The following SIMC1 variants were observed in gnomAD, a reference collection of about 807,000 sequenced individuals.
The protein encoded by SIMC1 is SUMO interacting motifs containing 1.
Under a neutral mutation model 82.3 loss-of-function variants are expected in SIMC1, and 55 were observed. That is an observed-to-expected ratio of 0.67 (90% CI 0.54 to 0.84). The LOEUF (loss-of-function observed/expected upper bound fraction) is 0.84, where lower values mean the gene tolerates loss of function less well. SIMC1 is among the 40% of genes least tolerant of loss of function. SIMC1 has a pLI of 0.00. For missense variants in SIMC1, 915 were observed against 1,107.2 expected, an observed-to-expected ratio of 0.83 and a Z score of 2.46; for synonymous variants, 353 against 426.3, an observed-to-expected ratio of 0.83 and a Z score of 2.12.
At position 176,258,541 on chromosome 5, in the gene SIMC1, G is replaced by A. The variant is rs570568789; in HGVS notation, c.129+19904G>A. Reference sequence around the variant, plus strand: ...TCTATTTTTTAAACGGATGGTTTTGGAAAAATAGACTCACGAGAGTTTTTT... The same window carrying A: ...TCTATTTTTTAAACGGATGGTTTTGAAAAAATAGACTCACGAGAGTTTTTT... On this transcript the variant is annotated intron_variant, in intron 1 of 9. Coordinates refer to ENST00000429602, the MANE Select transcript of SIMC1 (RefSeq NM_001308195.2). Among the ~76,000 whole-genome samples the A allele has an allele frequency of 3.7e-3, 557 of 150,080 alleles. 4 individuals are homozygous for A. The highest frequency in any genetic ancestry group is 0.013 in the African/African-American group (528 of 40,950).
intron 4 of SIMC1, chr5:176,296,802 T>C (rs1279626659): frequency 1.3e-5 from 2 of 153,726 alleles, no homozygotes; most frequent in African/African-American, 2.4e-5. Context: ...ATTTAGTATA[T>C]TTACTTATCC....
chr5:176,263,329 C>A, intron 1 of SIMC1: 2 of 938,334 alleles, frequency 2.1e-6, no homozygotes, highest in Non-Finnish European at 3.1e-6. Context: ...GAATAGCTGT[C>A]TTAGTTCATT....
chr5:176,249,772 AG>A (rs1642915293), intron 1 of SIMC1, among the ~76,000 whole-genome samples: 1 of 132,010 alleles, frequency 7.6e-6, no homozygotes. Context: ...TGAACCCGGG[AG>A]GTGGAGCTTG....
At chr5:176,312,856 G>A (rs1010189034) in intron 4 of SIMC1, among the ~76,000 whole-genome samples, 24 of 152,274 alleles carry the variant, frequency 1.6e-4, no homozygotes, top group African/African-American at 5.3e-4. Flanking sequence ...CCCAGCACTT[G>A]TCTGGTAGTA....
intron 4 of SIMC1, among the ~76,000 whole-genome samples, chr5:176,305,693 T>G (rs1764316500): frequency 1.1e-5 from 1 of 95,024 alleles, no homozygotes; most frequent in East Asian, 3.5e-4. Context: ...AGCCGCCCCG[T>G]CCGGGAGGGA....
chr5:176,328,338 A>G (rs1444104519), intron 7 of SIMC1, among the ~76,000 whole-genome samples: 1 of 152,216 alleles, frequency 6.6e-6, no homozygotes, highest in African/African-American at 2.4e-5. Flanking sequence ...AACAAAGTTA[A>G]GGTAAGCCAC....
rs1420909527 is a variant in SIMC1 at position 176,289,650 on chromosome 5, A to G, written c.130-4A>G. 7.0e-6 allele frequency: 11 copies of G among 1,578,908 alleles called. No individual in the cohort carries two copies. Among genetic ancestry groups the G allele is most frequent in the Non-Finnish European group, 8.6e-6 (10 of 1,162,422 alleles). On this transcript the variant is annotated splice_polypyrimidine_tract_variant and splice_region_variant and intron_variant, in intron 1 of 9. Transcript: ENST00000429602. Reference sequence around the variant, plus strand: ...CCTCTTTTCTTCACACAATCCTTCAACAGGACTTCATTGACTTAACTAGAG... The same window carrying G: ...CCTCTTTTCTTCACACAATCCTTCAGCAGGACTTCATTGACTTAACTAGAG...
At chr5:176,252,745 G>A (rs889107703) in intron 1 of SIMC1, among the ~76,000 whole-genome samples, 17 of 152,230 alleles carry the variant, frequency 1.1e-4, no homozygotes, top group Admixed American at 6.5e-5. Context: ...GGTGGCGGCC[G>A]GGCAGAGGCT....
rs182785539 is a variant in SIMC1, at chr5:176,281,479, G to A, written c.130-8175G>A. On this transcript the variant is annotated intron_variant, in intron 1 of 9. Transcript: ENST00000429602. ...TGTTCCATTGCTGGTGAGGAACTGC[G>A]ATCCTTTGGAGGAGGAGAGGTGCTC... 1.3e-3 allele frequency among the ~76,000 whole-genome samples: 200 copies of A among 152,266 alleles called. 1 individual carries two copies. The highest frequency in any genetic ancestry group is 4.5e-3 in the African/African-American group (189 of 41,548).
At chr5:176,325,295 G>A (rs539178390) in intron 7 of SIMC1, among the ~76,000 whole-genome samples, 5 of 152,242 alleles carry the variant, frequency 3.3e-5, no homozygotes, top group African/African-American at 4.8e-5. Flanking sequence ...GCTGAGACAC[G>A]AAAATCGCTT....
At chr5:176,300,486 T>TA (rs1278754146) in intron 4 of SIMC1, among the ~76,000 whole-genome samples, 1 of 11,254 alleles carries the variant, frequency 8.9e-5, no homozygotes, top group Non-Finnish European at 2.6e-4. Context: ...ACTCAGCTAA[T>TA]TTTTTATTAT....
intron 1 of SIMC1, among the ~76,000 whole-genome samples, chr5:176,276,397 A>G (rs1445785884): frequency 6.7e-6 from 1 of 149,532 alleles, no homozygotes; most frequent in East Asian, 1.9e-4. Flanking sequence ...CGGTCTATCA[A>G]TTTTGTTGGT....
chr5:176,269,408 A>C (rs556135091), intron 1 of SIMC1, among the ~76,000 whole-genome samples: 1 of 152,402 alleles, frequency 6.6e-6, no homozygotes, highest in Non-Finnish European at 1.5e-5. Flanking sequence ...TATGCCAATA[A>C]ATTTGATAAA....
At chr5:176,338,898 C>T (rs551138527) in intron 9 of SIMC1, among the ~76,000 whole-genome samples, 17 of 152,050 alleles carry the variant, frequency 1.1e-4, no homozygotes, top group Non-Finnish European at 2.2e-4. Flanking sequence ...CTCTAGGCCT[C>T]GGTTTCTTCC....
intron 1 of SIMC1, among the ~76,000 whole-genome samples, chr5:176,280,361 A>G (rs538827360): frequency 4.6e-5 from 7 of 151,980 alleles, no homozygotes; most frequent in African/African-American, 1.7e-4. Context: ...TTTTGAGCCT[A>G]TGTGTGTCTC....
chr5:176,340,173 C>A (rs1209691157), intron 9 of SIMC1, among the ~76,000 whole-genome samples: 6 of 152,196 alleles, frequency 3.9e-5, no homozygotes, highest in Admixed American at 2.6e-4. Flanking sequence ...GAAGGTATCA[C>A]CCCCTGTTAT....
rs777139776 is a variant in SIMC1, at chr5:176,290,100, TAGG to T, written c.579_581del (p.Arg193del). 2.9e-5 allele frequency: 47 copies of T among 1,606,106 alleles called. No homozygotes were observed. In the African/African-American group the frequency reaches 4.0e-4, roughly 14 times the overall value. ...CCCTCTCCCCAACAAGCAATAATAG[TAGG>T]AGCAGCAGCAGCAGCAGCAATCAAA... On this transcript the variant is annotated inframe_deletion, in exon 2 of 10. Coordinates refer to ENST00000429602, the MANE Select transcript of SIMC1 (RefSeq NM_001308195.2).
At chr5:176,335,870 G>A (rs529916703) in intron 7 of SIMC1, among the ~76,000 whole-genome samples, 3 of 152,002 alleles carry the variant, frequency 2.0e-5, no homozygotes, top group Admixed American at 1.3e-4. Flanking sequence ...TAGTGAGACC[G>A]CATCTCTACA....
At chr5:176,263,374 C>T (rs1346553214) in intron 1 of SIMC1, 3 of 1,467,068 alleles carry the variant, frequency 2.0e-6, no homozygotes, top group Non-Finnish European at 2.7e-6. Context: ...GAGGCTGAGT[C>T]ATTTATAAAG....
Sources: gnomAD v4.1 joint callset for allele counts (sites outside exome capture counted in the v4.1 genomes callset) on GRCh38, gnomAD v4.1.1 for gene constraint, MANE v1.5 for transcripts, NCBI Gene and HGNC (gene_info 2026-07-23, HGNC 2026-07-21) for gene names.